EVC: variants seen among roughly 807,000 people sequenced by gnomAD.
EVC encodes the protein evC complex member EVC.
EVC carries 116 observed loss-of-function variants against 118.9 expected under a neutral mutation model. The ratio of observed to expected loss-of-function variants is 0.98; its 90% confidence interval spans 0.84 to 1.14. The LOEUF is 1.14. Among genes scored for constraint, EVC ranks in the 50% most tolerant of loss-of-function variants. EVC has a pLI of 0.00. For synonymous variants in EVC, 619 were observed against 534.7 expected (o/e 1.16, Z -2.18); for missense variants, 1,401 against 1,246.4 (o/e 1.12, Z -1.87).
chr4:5,816,817 C>T (rs370773604), downstream of EVC, among the ~76,000 whole-genome samples: 1 of 152,176 alleles, frequency 6.6e-6, no homozygotes, highest in African/African-American at 2.4e-5. Flanking sequence ...CCCCAGTACA[C>T]ATCTTGCCCA....
chr4:5,814,587 C>A (rs1717391092), downstream of EVC, among the ~76,000 whole-genome samples: 1 of 152,166 alleles, frequency 6.6e-6, no homozygotes, highest in Non-Finnish European at 1.5e-5. Context: ...AGATCTTTAC[C>A]ATGGACCATG....
At chr4:5,805,649 C>T (rs1395449134) in intron 17 of EVC, among the ~76,000 whole-genome samples, 2 of 152,152 alleles carry the variant, frequency 1.3e-5, no homozygotes, top group African/African-American at 2.4e-5. Context: ...GAATTTTAGC[C>T]GCACCTCTCC....
rs1724558592 is a variant in EVC at position 5,719,373 on chromosome 4, T to C, written c.300T>C (p.Asp100=). 6.2e-7 allele frequency: 1 copy of C among 1,614,094 alleles called. No individual in the cohort carries two copies. Among genetic ancestry groups the C allele is most frequent in the Non-Finnish European group, 8.5e-7 (1 of 1,180,010 alleles). ...TGTCGAAGGACAAGGAAGCTGTTGA[T>C]GTAAGCTTGGTGTTGATGTTTGTTT... ...VQMSKDKEAV[D]ECEPPSNSNI... is the part of the protein sequence containing the mutation. Residue 100 remains aspartate (D), a splice_region_variant and synonymous_variant, in exon 2 of 21, where the codon GAT becomes GAC. Transcript: ENST00000264956. The surrounding 1 kb of genome is among the most constrained non-coding windows in gnomAD (Gnocchi z 4.7).
Position 5,798,528 on chromosome 4 carries a change from C to G in EVC, c.2098-58C>G, listed in dbSNP as rs1714384364. ...GACCAGCCCCACATCCCAGTCCTGG[C>G]CAGAGCTTCTCTGTGAGAGGAGCAC... On this transcript the variant is annotated intron_variant, in intron 14 of 20. Coordinates refer to ENST00000264956, the MANE Select transcript of EVC (RefSeq NM_153717.3). This position sits in a 1 kb window ranked among gnomAD's most constrained non-coding sequence, Gnocchi z 4.1. 2.0e-6 allele frequency: 3 copies of G among 1,524,028 alleles called. No individual in the cohort carries two copies. The highest frequency in any genetic ancestry group is 2.0e-5 in the Admixed American group (1 of 50,954). The allele number at this position is 1,524,028 out of a possible 1,614,324, so 94.4% of individuals were successfully genotyped here.
intron 19 of EVC, 34 bp from the exon 20 acceptor site, chr4:5,810,305 C>T (rs1458087616): frequency 6.4e-7 from 1 of 1,558,844 alleles, no homozygotes; most frequent in African/African-American, 1.4e-5. Context: ...TCTAAAGTCA[C>T]AGAGCCATGC....
At chr4:5,760,275 G>A (rs754677744) in intron 11 of EVC, among the ~76,000 whole-genome samples, 13 of 152,070 alleles carry the variant, frequency 8.5e-5, no homozygotes, top group Non-Finnish European at 1.6e-4. Context: ...TTTCAATAAA[G>A]AGTTGTCAAT....
rs548061162 is a variant in EVC at position 5,809,681 on chromosome 4, C to A, written c.2782+70C>A. 7.7e-5 allele frequency: 104 copies of A among 1,352,558 alleles called. No individual in the cohort carries two copies. In the South Asian group the frequency reaches 1.2e-3, roughly 15 times the overall value. The allele number at this position is 1,352,558 out of a possible 1,614,324, so 83.8% of individuals were successfully genotyped here. Reference sequence around the variant, plus strand: ...GAGAGATACGGATTCTAGTTCCACACTGGCCACTAACTAGCTGTGTGACCT... The same window carrying A: ...GAGAGATACGGATTCTAGTTCCACAATGGCCACTAACTAGCTGTGTGACCT... On this transcript the variant is annotated intron_variant, in intron 19 of 20. Transcript: ENST00000264956.
At chr4:5,762,128 A>G (rs1732149680) in intron 11 of EVC, among the ~76,000 whole-genome samples, 1 of 128,592 alleles carries the variant, frequency 7.8e-6, no homozygotes, top group Admixed American at 8.5e-5. Context: ...TTCAATTCCC[A>G]CCTATGAGTG....
chr4:5,748,145 C>G lies in EVC; in HGVS notation c.940-3C>G. On this transcript the variant is annotated splice_region_variant and splice_polypyrimidine_tract_variant and intron_variant, in intron 7 of 20. Coordinates refer to ENST00000264956, the MANE Select transcript of EVC (RefSeq NM_153717.3). Reference sequence around the variant, plus strand: ...CTTCTTGCTGCTTGTGCTCATTTCACAGATGGAAGCTTTCTGGAAACAGAT... The same window carrying G: ...CTTCTTGCTGCTTGTGCTCATTTCAGAGATGGAAGCTTTCTGGAAACAGAT... 6.2e-7 allele frequency: 1 copy of G among 1,614,180 alleles called. No individual in the cohort carries two copies. Among genetic ancestry groups the G allele is most frequent in the Non-Finnish European group, 8.5e-7 (1 of 1,180,036 alleles).
chr4:5,772,771 TC>T (rs112198115), intron 11 of EVC, among the ~76,000 whole-genome samples: 1 of 152,142 alleles, frequency 6.6e-6, no homozygotes, highest in Non-Finnish European at 1.5e-5. Context: ...CTCCCTGACT[TC>T]CAGCTGACCT....
At chr4:5,808,564 G>A (rs1303483437) in intron 18 of EVC, among the ~76,000 whole-genome samples, 1 of 152,180 alleles carries the variant, frequency 6.6e-6, no homozygotes, top group Non-Finnish European at 1.5e-5. Context: ...ATGCTAAGCA[G>A]GGCCAGGCCC....
At chr4:5,776,768 G>T (rs543611019) in intron 11 of EVC, among the ~76,000 whole-genome samples, 1 of 152,160 alleles carries the variant, frequency 6.6e-6, no homozygotes, top group Non-Finnish European at 1.5e-5. Flanking sequence ...CTCTTCAGCT[G>T]CACCTAAACT....
chr4:5,807,496 G>A (rs551782207), intron 17 of EVC, among the ~76,000 whole-genome samples: 3 of 152,196 alleles, frequency 2.0e-5, no homozygotes, highest in Admixed American at 6.5e-5. Flanking sequence ...TGCCCTAAAA[G>A]ATGGGAAGGA....
chr4:5,787,371 T>A (rs1711877215), intron 12 of EVC, among the ~76,000 whole-genome samples: 1 of 152,220 alleles, frequency 6.6e-6, no homozygotes, highest in Non-Finnish European at 1.5e-5. Flanking sequence ...ATTCTCCCGA[T>A]GATCTGGCTT....
chr4:5,806,976 G>T (rs996371244), intron 17 of EVC, among the ~76,000 whole-genome samples: 2 of 152,160 alleles, frequency 1.3e-5, no homozygotes, highest in Non-Finnish European at 2.9e-5. Flanking sequence ...GGCCATTTGT[G>T]TGTCTTTTTT....
intron 19 of EVC, 103 bp downstream of exon 19, chr4:5,809,714 C>A (rs3733185): frequency 1.9e-6 from 2 of 1,062,928 alleles, no homozygotes; most frequent in Non-Finnish European, 2.8e-6. Flanking sequence ...CCTTAGGCAT[C>A]GTGCCTAGGC....
chr4:5,752,815 C>G (rs771754424), intron 8 of EVC, 21 bp from the exon 9 acceptor site: 186 of 1,612,826 alleles, frequency 1.2e-4, no homozygotes, highest in Admixed American at 2.3e-4. Flanking sequence ...CAGCTATGGT[C>G]CTGTGTGTTT....
At chr4:5,766,905 A>G (rs1471145172) in intron 11 of EVC, among the ~76,000 whole-genome samples, 1 of 152,004 alleles carries the variant, frequency 6.6e-6, no homozygotes, top group Admixed American at 6.5e-5. Flanking sequence ...TCAGCTTGTC[A>G]AAGTCATTCT....
At chr4:5,740,533 G>A (rs1411055166) in intron 5 of EVC, among the ~76,000 whole-genome samples, 1 of 151,252 alleles carries the variant, frequency 6.6e-6, no homozygotes, top group Non-Finnish European at 1.5e-5. Context: ...TTAGACCTAG[G>A]CAAAGAGTTT....
Sources: gnomAD v4.1 joint callset for allele counts (sites outside exome capture counted in the v4.1 genomes callset) on GRCh38, gnomAD v4.1.1 for gene constraint, Gnocchi (gnomAD v3.1) non-coding constraint, MANE v1.5 for transcripts, NCBI Gene and HGNC (gene_info 2026-07-23, HGNC 2026-07-21) for gene names.